CUX2: variants seen among roughly 807,000 people sequenced by gnomAD.
CUX2 encodes the protein homeobox protein cut-like 2.
CUX2 carries 40 observed loss-of-function variants against 144.8 expected under a neutral mutation model. That is an observed-to-expected ratio of 0.28 (90% CI 0.21 to 0.36). The LOEUF (loss-of-function observed/expected upper bound fraction) is 0.36, where lower values mean the gene tolerates loss of function less well. CUX2 is among the 10% of genes least tolerant of loss of function. The pLI is 1.00. For synonymous variants in CUX2, 827 were observed against 875.6 expected, an observed-to-expected ratio of 0.94 and a Z score of 0.98; for missense variants, 1,615 against 1,994.0, an observed-to-expected ratio of 0.81 and a Z score of 3.62.
At chr12:111,047,152 C>T (rs999835772) in intron 1 of CUX2, among the ~76,000 whole-genome samples, 3 of 152,310 alleles carry the variant, frequency 2.0e-5, no homozygotes, top group Admixed American at 6.5e-5. Flanking sequence ...GTCCCGGAGC[C>T]GCGTGGCGCG....
chr12:111,042,179 C>T (rs981191106), intron 1 of CUX2, among the ~76,000 whole-genome samples: 6 of 152,230 alleles, frequency 3.9e-5, no homozygotes, highest in African/African-American at 7.2e-5. Context: ...TGTGAGCCGC[C>T]GTCGCTCAAG....
At chr12:111,110,587 AAAT>A (rs2136081453) in intron 1 of CUX2, among the ~76,000 whole-genome samples, 1 of 152,366 alleles carries the variant, frequency 6.6e-6, no homozygotes, top group Non-Finnish European at 1.5e-5. Flanking sequence ...TTACAAACAG[AAAT>A]AATATCTTTC....
Position 111,035,613 on chromosome 12 carries a change from CTTT to C in CUX2, c.63+1387_63+1389del, listed in dbSNP as rs60539275. On this transcript the variant is annotated intron_variant, in intron 1 of 21. Transcript: ENST00000261726. The surrounding 1 kb of genome is among the most constrained non-coding windows in gnomAD (Gnocchi z 6.0). The stretch of plus-strand genomic sequence containing the variant: ...CAGTCTGGAGATAAAAAGGGACCCA[CTTT>C]TTTTTTTTTTTTTAATCCGCCGGCA... Among the ~76,000 whole-genome samples the C allele has an allele frequency of 4.4e-5, 6 of 135,146 alleles. No individual in the cohort carries two copies. Among genetic ancestry groups the C allele is most frequent in the African/African-American group, 5.7e-5 (2 of 34,928 alleles). The allele number at this position is 135,146 out of a possible 152,430, so 88.7% of individuals were successfully genotyped here. A position where few individuals can be genotyped will look rare whatever the true frequency, so the allele number is the denominator to read the frequency against.
intron 1 of CUX2, among the ~76,000 whole-genome samples, chr12:111,126,351 A>G (rs1875085253): frequency 6.6e-6 from 1 of 152,082 alleles, no homozygotes; most frequent in African/African-American, 2.4e-5. Flanking sequence ...TCAAGTGATG[A>G]TCCACCCACC....
chr12:111,055,860 C>A (rs1365164932), intron 1 of CUX2, among the ~76,000 whole-genome samples: 1 of 152,358 alleles, frequency 6.6e-6, no homozygotes, highest in African/African-American at 2.4e-5. Context: ...TAATTAGGCA[C>A]CTTGCTAATG....
intron 1 of CUX2, among the ~76,000 whole-genome samples, chr12:111,098,458 G>A (rs1566218006): frequency 2.0e-5 from 3 of 152,032 alleles, no homozygotes; most frequent in Non-Finnish European, 2.9e-5. Context: ...TGCAGTCATC[G>A]GCCTTGGCAC....
chr12:111,128,126 A>T (rs1252816192), intron 1 of CUX2, among the ~76,000 whole-genome samples: 1 of 152,142 alleles, frequency 6.6e-6, no homozygotes, highest in African/African-American at 2.4e-5. Context: ...CAATTTTCCA[A>T]TTATGTTCCT....
Position 111,121,012 on chromosome 12 carries a change from C to T in CUX2, c.63+86772C>T, listed in dbSNP as rs78575217. Among the ~76,000 whole-genome samples the T allele has an allele frequency of 4.3e-3, 646 of 151,698 alleles. 6 individuals are homozygous for T. The highest frequency in any genetic ancestry group is 0.012 in the African/African-American group (510 of 41,342). On this transcript the variant is annotated intron_variant, in intron 1 of 21. Coordinates refer to ENST00000261726, the MANE Select transcript of CUX2 (RefSeq NM_015267.4). ...TATTTCCAGATTCCTGCCTGTCACC[C>T]GCCAGACTTTTAAGGGTTCTACGCT...
At position 111,267,031 on chromosome 12, in the gene CUX2, A is replaced by T. The variant is rs12311509; in HGVS notation, c.301+3192A>T. Among the ~76,000 whole-genome samples, 237 of 152,196 alleles carry T rather than the reference A, an allele frequency of 1.6e-3. 1 individual carries two copies. The highest frequency in any genetic ancestry group is 5.1e-3 in the African/African-American group (212 of 41,518). ...GGCAACATGGAGAAACCCTGTCTCT[A>T]CAAAAAAAATACAAAAATTATCTGG... On this transcript the variant is annotated intron_variant, in intron 4 of 21. Coordinates refer to ENST00000261726, the MANE Select transcript of CUX2 (RefSeq NM_015267.4).
rs541753106 is a variant in CUX2, at chr12:111,068,878, G to A, written c.63+34638G>A. Reference sequence around the variant, plus strand: ...CCCAGCACTTTGGGAGGCCGAGGCGGGTGGATCATTTGAGGTCAGGAGTTC... The same window carrying A: ...CCCAGCACTTTGGGAGGCCGAGGCGAGTGGATCATTTGAGGTCAGGAGTTC... On this transcript the variant is annotated intron_variant, in intron 1 of 21. Transcript: ENST00000261726. The surrounding 1 kb of genome is among the most constrained non-coding windows in gnomAD (Gnocchi z 4.9). Among the ~76,000 whole-genome samples, 1 of 152,182 alleles carries A rather than the reference G, an allele frequency of 6.6e-6. No individual in the cohort carries two copies. Among genetic ancestry groups the A allele is most frequent in the East Asian group, 1.9e-4 (1 of 5,158 alleles).
At position 111,296,387 on chromosome 12, in the gene CUX2, C is replaced by A. The variant is rs145799861; in HGVS notation, c.638-86C>A. 10,188 of 1,239,350 alleles carry A rather than the reference C, an allele frequency of 8.2e-3. 61 individuals carry two copies. Among genetic ancestry groups the A allele is most frequent in the Non-Finnish European group, 9.6e-3 (8,336 of 872,646 alleles). 76.8% of individuals were successfully genotyped at this position (1,239,350 alleles called of 1,614,324 possible). A position where few individuals can be genotyped will look rare whatever the true frequency, so the allele number is the denominator to read the frequency against. On this transcript the variant is annotated intron_variant, in intron 7 of 21. Transcript: ENST00000261726. ...CTCTCATTCTGCCTGCTGGGCTTCG[C>A]AGAAGGAGTGGGCTCCACCTCCCTG... is the stretch of plus-strand genomic sequence containing the variant.
chr12:111,254,851 C>CTT (rs111442805), intron 3 of CUX2, among the ~76,000 whole-genome samples: 20 of 151,482 alleles, frequency 1.3e-4, no homozygotes, highest in African/African-American at 4.4e-4. Context: ...GCCAAGCAGT[C>CTT]TTTTTTTTTC....
At chr12:111,270,972 G>A (rs1448104363) in intron 4 of CUX2, among the ~76,000 whole-genome samples, 2 of 152,138 alleles carry the variant, frequency 1.3e-5, no homozygotes, top group Non-Finnish European at 2.9e-5. Context: ...TTAGAAGAGG[G>A]ATAGTAATAG....
At chr12:111,306,717 T>C (rs1648505780) in intron 10 of CUX2, among the ~76,000 whole-genome samples, 1 of 152,228 alleles carries the variant, frequency 6.6e-6, no homozygotes, top group South Asian at 2.1e-4. Context: ...AATAAATCTT[T>C]TAATCAAAGT....
At chr12:111,156,917 C>T (rs972221871) in intron 1 of CUX2, among the ~76,000 whole-genome samples, 4 of 133,486 alleles carry the variant, frequency 3.0e-5, no homozygotes, top group East Asian at 2.4e-4. Context: ...ATCCAGGAGA[C>T]GGAGACTGCA....
At chr12:111,098,697 C>A (rs1436763113) in intron 1 of CUX2, among the ~76,000 whole-genome samples, 1 of 152,204 alleles carries the variant, frequency 6.6e-6, no homozygotes, top group Non-Finnish European at 1.5e-5. Flanking sequence ...CAGACAAGAG[C>A]AGGAAGCCAA....
chr12:111,139,492 A>T (rs1018291617), intron 1 of CUX2, among the ~76,000 whole-genome samples: 128 of 151,928 alleles, frequency 8.4e-4, no homozygotes, highest in African/African-American at 3.0e-3. Context: ...GGTCATGGAG[A>T]TCGTTATTTT....
Position 111,320,500 on chromosome 12 carries a change from C to T in CUX2, c.2491C>T (p.Pro831Ser). The T allele has an allele frequency of 6.3e-7, 1 of 1,582,164 alleles. No individual in the cohort carries two copies. Among genetic ancestry groups the T allele is most frequent in the Non-Finnish European group, 8.6e-7 (1 of 1,169,586 alleles). ...GRAWPRGDEAPVPPEDEAAAG... is the reference protein window; with the variant it reads ...GRAWPRGDEASVPPEDEAAAG... ...CGCCTGGCCCCGCGGGGACGAGGCC[C>T]CTGTGCCCCCCGAGGACGAGGCGGC... The change falls in exon 17 of 22, where the codon CCT becomes TCT. Residue 831 changes from proline (P) to serine (S), a missense_variant. Pro to Ser is a moderately conservative substitution (Grantham distance 74). Coordinates refer to ENST00000261726, the MANE Select transcript of CUX2 (RefSeq NM_015267.4). The surrounding 1 kb of genome is among the most constrained non-coding windows in gnomAD (Gnocchi z 8.1).
intron 1 of CUX2, among the ~76,000 whole-genome samples, chr12:111,072,434 C>T (rs1871287646): frequency 6.6e-6 from 1 of 152,192 alleles, no homozygotes; most frequent in African/African-American, 2.4e-5. Flanking sequence ...GGCCTCCCTG[C>T]CCCCATGCAG....
Sources: allele counts gnomAD v4.1 joint callset (sites outside exome capture counted in the v4.1 genomes callset), GRCh38; gene constraint gnomAD v4.1.1; non-coding constraint Gnocchi (gnomAD v3.1); transcripts MANE v1.5; gene names NCBI Gene and HGNC (gene_info 2026-07-23, HGNC 2026-07-21).